Variants in SRPRA observed in about 807,000 individuals in gnomAD.
SRPRA encodes the protein signal recognition particle receptor subunit alpha.
SRPRA carries 30 observed loss-of-function variants against 61.1 expected under a neutral mutation model. The observed-to-expected ratio is 0.49, with a 90% confidence interval of 0.37 to 0.67. SRPRA has a LOEUF of 0.67. SRPRA is among the 30% of genes least tolerant of loss of function. The pLI, the probability that SRPRA is intolerant of heterozygous loss-of-function variation, is 0.00. For synonymous variants in SRPRA, 324 were observed against 299.7 expected, an observed-to-expected ratio of 1.08 and a Z score of -0.84; for missense variants, 759 against 828.4, an observed-to-expected ratio of 0.92 and a Z score of 1.03.
At chr11:126,256,496 T>C in the SRPRA span, 1 of 1,461,830 alleles carries the variant, frequency 6.8e-7, no homozygotes. The surrounding 1 kb of genome is among the most constrained non-coding windows in gnomAD (Gnocchi z 6.6). Flanking sequence ...CAACGTAGCA[T>C]GACCTTCTTG....
downstream of SRPRA, chr11:126,262,659 C>A (rs1383243098): frequency 6.5e-6 from 1 of 152,950 alleles, no homozygotes; most frequent in Admixed American, 6.5e-5. Context: ...TGCCAGGACC[C>A]TGGCTCTACT....
chr11:126,256,684 C>T, the SRPRA span: 1 of 1,614,176 alleles, frequency 6.2e-7, no homozygotes, highest in African/African-American at 1.3e-5. The surrounding 1 kb of genome is among the most constrained non-coding windows in gnomAD (Gnocchi z 6.6). Context: ...TAAATCTGAC[C>T]TAGAACATTT....
At chr11:126,266,710 C>T in intron 5 of SRPRA, 53 bp downstream of exon 5, 3 of 1,609,188 alleles carry the variant, frequency 1.9e-6, no homozygotes, top group Non-Finnish European at 2.5e-6. Context: ...CTCCCTTGCA[C>T]CCATTGTGTC....
chr11:126,260,784 A>G (rs1372407341), downstream of SRPRA: 1 of 152,144 alleles, frequency 6.6e-6, no homozygotes, highest in Non-Finnish European at 1.5e-5. Context: ...ATTTTCTTCC[A>G]TGTGTTCAGC....
the SRPRA span, among the ~76,000 whole-genome samples, chr11:126,237,216 T>A: frequency 0.15 from 604 of 4,060 alleles, 12 homozygotes; most frequent in African/African-American, 0.27. Flanking sequence ...GCGCCTGGCC[T>A]TTTTTTTTTT....
chr11:126,258,419 C>T (rs1456098375), downstream of SRPRA, among the ~76,000 whole-genome samples: 1 of 152,164 alleles, frequency 6.6e-6, no homozygotes, highest in Non-Finnish European at 1.5e-5. Flanking sequence ...ATTTAATAAA[C>T]ATAAAGCAGT....
chr11:126,259,495 G>A (rs867774498), downstream of SRPRA, among the ~76,000 whole-genome samples: 3 of 143,096 alleles, frequency 2.1e-5, no homozygotes, highest in African/African-American at 5.2e-5. Context: ...GCACAATCTC[G>A]GCTCACTGCA....
At chr11:126,254,665 C>T in the SRPRA span, among the ~76,000 whole-genome samples, 1 of 152,122 alleles carries the variant, frequency 6.6e-6, no homozygotes, top group East Asian at 1.9e-4. Flanking sequence ...AGACTCTTGT[C>T]TTTACAAAAA....
chr11:126,237,007 C>A, the SRPRA span, among the ~76,000 whole-genome samples: 3 of 149,822 alleles, frequency 2.0e-5, no homozygotes, highest in Admixed American at 6.7e-5. Context: ...AGCTCTGCCT[C>A]CCGGGTTCAC....
chr11:126,266,890 C>CAA lies in SRPRA; in HGVS notation c.558_559insTT (p.Val187LeufsTer17). On this transcript the variant is annotated frameshift_variant, in exon 5 of 14. Transcript: ENST00000332118. LOFTEE classifies it high-confidence loss of function. The stretch of plus-strand genomic sequence containing the variant: ...GGAAGACCTGACTTTTCTGCAGGGA[C>CAA]TGGTTTGCTGGTAGCCAAAGGACCA... 1 of 1,614,172 alleles carries CAA rather than the reference C, an allele frequency of 6.2e-7. No homozygotes were observed. The highest frequency in any genetic ancestry group is 8.5e-7 in the Non-Finnish European group (1 of 1,180,032).
At chr11:126,255,289 C>T in the SRPRA span, among the ~76,000 whole-genome samples, 2 of 152,174 alleles carry the variant, frequency 1.3e-5, no homozygotes. This position sits in a 1 kb window ranked among gnomAD's most constrained non-coding sequence, Gnocchi z 4.6. Flanking sequence ...ATCTTGTTTG[C>T]TGTTTTCAGG....
At chr11:126,262,310 G>T, downstream of SRPRA, 66 of 501,580 alleles carry the variant, frequency 1.3e-4, no homozygotes, top group Non-Finnish European at 1.6e-4. Context: ...ATACCACCTG[G>T]TTCTTGATAT....
downstream of SRPRA, chr11:126,261,224 C>T (rs2135227687): frequency 1.8e-6 from 1 of 565,956 alleles, no homozygotes; most frequent in Admixed American, 3.0e-5. Flanking sequence ...AAACTCACTG[C>T]TTCCCTGTTA....
chr11:126,250,547 A>T, the SRPRA span: 2 of 1,614,144 alleles, frequency 1.2e-6, no homozygotes, highest in Non-Finnish European at 8.5e-7. The surrounding 1 kb of genome is among the most constrained non-coding windows in gnomAD (Gnocchi z 5.1). Flanking sequence ...AGGACTGTTT[A>T]TATGAAGTAT....
chr11:126,267,171 T>C lies in SRPRA; in HGVS notation c.526+4A>G, dbSNP rs1950827352. On this transcript the variant is annotated splice_donor_region_variant and intron_variant, in intron 4 of 13. Transcript: ENST00000332118. The surrounding 1 kb of genome is among the most constrained non-coding windows in gnomAD (Gnocchi z 4.2). ...CCCAGTATATCCAAAGAACTCAAACTTGCCTTCCTTCTTGGCCCCCTTTTT... is the reference window on the plus strand; with the variant it reads ...CCCAGTATATCCAAAGAACTCAAACCTGCCTTCCTTCTTGGCCCCCTTTTT... The C allele has an allele frequency of 2.5e-6, 4 of 1,614,008 alleles. No homozygotes were observed. Among genetic ancestry groups the C allele is most frequent in the Non-Finnish European group, 3.4e-6 (4 of 1,180,010 alleles).
At chr11:126,247,867 AT>A in the SRPRA span, among the ~76,000 whole-genome samples, 62 of 119,220 alleles carry the variant, frequency 5.2e-4, 1 homozygote, top group Non-Finnish European at 7.9e-4. Flanking sequence ...CAAAAAAAAA[AT>A]ATATATATAT....
chr11:126,238,544 C>T, the SRPRA span, among the ~76,000 whole-genome samples: 3 of 152,156 alleles, frequency 2.0e-5, no homozygotes, highest in Non-Finnish European at 4.4e-5. Flanking sequence ...AAAGCTTCCT[C>T]TGGGGAAAGA....
In SRPRA at chr11:126,265,720, C is replaced by T; in HGVS notation, c.1138+17G>A. On this transcript the variant is annotated intron_variant, in intron 9 of 13. Transcript: ENST00000332118. This position sits in a 1 kb window ranked among gnomAD's most constrained non-coding sequence, Gnocchi z 6.3. ...TAACCTACACATAAGCACTTTCTCA[C>T]TTAGGTAAGTACTTACTGCTGAACG... 1 of 1,613,330 alleles carries T rather than the reference C, an allele frequency of 6.2e-7. No individual in the cohort carries two copies. The highest frequency in any genetic ancestry group is 2.2e-5 in the East Asian group (1 of 44,886).
downstream of SRPRA, chr11:126,262,373 G>A (rs910891377): frequency 1.4e-5 from 8 of 561,874 alleles, no homozygotes; most frequent in African/African-American, 1.3e-4. Flanking sequence ...CCCAAATGCA[G>A]CTCCCAACCC....
Sources: allele counts gnomAD v4.1 joint callset (sites outside exome capture counted in the v4.1 genomes callset), GRCh38; gene constraint gnomAD v4.1.1; non-coding constraint Gnocchi (gnomAD v3.1); transcripts MANE v1.5; gene names NCBI Gene and HGNC (gene_info 2026-07-23, HGNC 2026-07-21).